SPIRE1: variants seen among roughly 807,000 people sequenced by gnomAD.
SPIRE1 encodes the protein protein spire homolog 1.
A neutral mutation model predicts 94.1 loss-of-function variants in SPIRE1; 40 were observed. That is an observed-to-expected ratio of 0.43 (90% confidence interval 0.33 to 0.55). The LOEUF is 0.55. Ranked by LOEUF, SPIRE1 falls within the 20% of genes least tolerant of loss-of-function variation. The pLI, the probability that SPIRE1 is intolerant of heterozygous loss-of-function variation, is 0.06. For missense variants in SPIRE1, 838 were observed against 975.2 expected, an observed-to-expected ratio of 0.86 and a Z score of 1.87; for synonymous variants, 376 against 371.7, an observed-to-expected ratio of 1.01 and a Z score of -0.13.
intron 2 of SPIRE1, among the ~76,000 whole-genome samples, chr18:12,561,266 C>T (rs1043106206): frequency 7.3e-6 from 1 of 137,010 alleles, no homozygotes; most frequent in African/African-American, 2.6e-5. Flanking sequence ...TAGAATAGAT[C>T]AATTTTTTTT....
chr18:12,455,623 C>T (rs776765341), intron 12 of SPIRE1, among the ~76,000 whole-genome samples: 64 of 152,180 alleles, frequency 4.2e-4, no homozygotes, highest in African/African-American at 1.4e-3. Flanking sequence ...CACACCCATC[C>T]GCTCCCCATC....
chr18:12,627,964 G>T (rs192813280), intron 2 of SPIRE1, among the ~76,000 whole-genome samples: 1 of 152,282 alleles, frequency 6.6e-6, no homozygotes, highest in East Asian at 1.9e-4. Flanking sequence ...CCCTTTGTCA[G>T]ATGGGTAGAT....
chr18:12,551,389 A>T (rs145004005), intron 2 of SPIRE1, among the ~76,000 whole-genome samples: 6 of 152,336 alleles, frequency 3.9e-5, no homozygotes, highest in Middle Eastern at 3.4e-3. Flanking sequence ...TCAAAAACTT[A>T]TAGAATTGTA....
intron 1 of SPIRE1, among the ~76,000 whole-genome samples, chr18:12,655,924 C>T (rs1333996751): frequency 2.6e-5 from 4 of 151,814 alleles, no homozygotes; most frequent in Non-Finnish European, 5.9e-5. Flanking sequence ...TTTGAGACGG[C>T]GTCTCGCTCT....
chr18:12,469,803 T>C (rs769093874), intron 10 of SPIRE1, among the ~76,000 whole-genome samples: 93 of 148,920 alleles, frequency 6.2e-4, no homozygotes, highest in Non-Finnish European at 8.4e-4. Context: ...CTCTTATAGA[T>C]GCAACTGAGG....
At chr18:12,661,540 C>T (rs56271712), upstream of SPIRE1, among the ~76,000 whole-genome samples, 21,269 of 151,978 alleles carry the variant, frequency 0.14, 1,733 homozygotes, top group African/African-American at 0.2. Flanking sequence ...GGGAAGCCAA[C>T]GCAGGCAGAT....
At chr18:12,640,209 A>C (rs2038048951) in intron 1 of SPIRE1, among the ~76,000 whole-genome samples, 1 of 152,230 alleles carries the variant, frequency 6.6e-6, no homozygotes, top group African/African-American at 2.4e-5. Context: ...AACTAGCTGA[A>C]TAAGCAAAAG....
At chr18:12,497,687 C>T (rs2033508373) in intron 6 of SPIRE1, among the ~76,000 whole-genome samples, 1 of 152,130 alleles carries the variant, frequency 6.6e-6, no homozygotes, top group Non-Finnish European at 1.5e-5. Flanking sequence ...GAAGCAGAAC[C>T]AGTGGCCTAA....
At chr18:12,538,977 C>G (rs939099255) in intron 3 of SPIRE1, among the ~76,000 whole-genome samples, 1 of 152,232 alleles carries the variant, frequency 6.6e-6, no homozygotes, top group Admixed American at 6.5e-5. Flanking sequence ...CATTAGAGGA[C>G]TCCTAACTTC....
chr18:12,548,434 C>T (rs191329347), intron 2 of SPIRE1, among the ~76,000 whole-genome samples: 1 of 152,014 alleles, frequency 6.6e-6, no homozygotes, highest in Non-Finnish European at 1.5e-5. Context: ...TCTACTTTAC[C>T]AATGAAATAA....
At chr18:12,642,079 C>T (rs1055811717) in intron 1 of SPIRE1, among the ~76,000 whole-genome samples, 2 of 152,134 alleles carry the variant, frequency 1.3e-5, no homozygotes, top group Non-Finnish European at 2.9e-5. Flanking sequence ...ATCCGCCCGC[C>T]TCAGCGTGAA....
intron 2 of SPIRE1, among the ~76,000 whole-genome samples, chr18:12,590,818 T>G (rs1458419709): frequency 1.1e-4 from 16 of 152,222 alleles, no homozygotes; most frequent in Admixed American, 1.0e-3. Context: ...GGACTTCCCA[T>G]GTACATATGT....
intron 2 of SPIRE1, among the ~76,000 whole-genome samples, chr18:12,628,689 T>C (rs2037697316): frequency 1.3e-5 from 2 of 152,220 alleles, no homozygotes; most frequent in Admixed American, 1.3e-4. Flanking sequence ...AAGCACGGAA[T>C]GTTCTTCCAT....
intron 2 of SPIRE1, among the ~76,000 whole-genome samples, chr18:12,570,917 GGTTTACAGTCAACCAGAA>G (rs1372132547): frequency 6.6e-6 from 1 of 152,002 alleles, no homozygotes; most frequent in Non-Finnish European, 1.5e-5. Context: ...CAACCCTTTG[GGTTTACAGTCAACCAGAA>G]TGGCCAAGTC....
chr18:12,506,404 C>G lies in SPIRE1; in HGVS notation c.972+73G>C. 10 of 1,353,878 alleles carry G rather than the reference C, an allele frequency of 7.4e-6. No individual in the cohort carries two copies. The South Asian group carries it at 1.2e-4, about 17-fold the overall frequency. 83.9% of individuals were successfully genotyped at this position (1,353,878 alleles called of 1,614,324 possible). On this transcript the variant is annotated intron_variant, in intron 6 of 16. Coordinates refer to ENST00000409402, the MANE Select transcript of SPIRE1 (RefSeq NM_001128626.2). ...GAACTCCTGACCTCAGATGATCCAC[C>G]TGCCTCGACCTCCCAAAGTGCTGGG...
intron 1 of SPIRE1, among the ~76,000 whole-genome samples, chr18:12,649,247 T>C (rs2038309969): frequency 6.6e-6 from 1 of 151,666 alleles, no homozygotes; most frequent in South Asian, 2.1e-4. Flanking sequence ...CACTAAAAAA[T>C]AAAAATAAAA....
rs542614125 is a variant in SPIRE1 at position 12,600,466 on chromosome 18, T to C, written c.372+34596A>G. Reference sequence around the variant, plus strand: ...AACAGGTATTTAACAGTGAACTCTTTTGAAACTGTTAATATCATGGTCCTC... The same window carrying C: ...AACAGGTATTTAACAGTGAACTCTTCTGAAACTGTTAATATCATGGTCCTC... On this transcript the variant is annotated intron_variant, in intron 2 of 16. Coordinates refer to ENST00000409402, the MANE Select transcript of SPIRE1 (RefSeq NM_001128626.2). Among the ~76,000 whole-genome samples the C allele has an allele frequency of 1.4e-4, 22 of 152,342 alleles. 1 individual carries two copies. The highest frequency in any genetic ancestry group is 2.5e-4 in the Non-Finnish European group (17 of 68,038).
At chr18:12,572,949 T>C (rs1378110076) in intron 2 of SPIRE1, among the ~76,000 whole-genome samples, 2 of 152,206 alleles carry the variant, frequency 1.3e-5, no homozygotes, top group African/African-American at 2.4e-5. Context: ...ATAGGCAGCA[T>C]TGGGTTTGCA....
intron 2 of SPIRE1, among the ~76,000 whole-genome samples, chr18:12,610,053 C>T (rs181760238): frequency 6.6e-6 from 1 of 152,026 alleles, no homozygotes; most frequent in African/African-American, 2.4e-5. Context: ...ATGCTTCCTC[C>T]CCACCCCTCC....
Sources: gnomAD v4.1 joint callset for allele counts (sites outside exome capture counted in the v4.1 genomes callset) on GRCh38, gnomAD v4.1.1 for gene constraint, MANE v1.5 for transcripts, NCBI Gene and HGNC (gene_info 2026-07-23, HGNC 2026-07-21) for gene names.